FAM135A: variants seen among roughly 807,000 people sequenced by gnomAD.
FAM135A encodes family with sequence similarity 135 member A.
Under a neutral mutation model 146.8 loss-of-function variants are expected in FAM135A, and 79 were observed. That is an observed-to-expected ratio of 0.54 (90% CI 0.45 to 0.65). FAM135A has a LOEUF of 0.65. Among genes scored for constraint, FAM135A ranks in the 30% least tolerant of loss-of-function variants. The probability of loss-of-function intolerance (pLI) is 0.00; values close to 1 mark genes in which losing one functional copy is unlikely to be tolerated. For missense variants in FAM135A, 1,623 were observed against 1,758.2 expected (o/e 0.92, Z 1.38); for synonymous variants, 562 against 603.6 (o/e 0.93, Z 1.01).
At chr6:70,557,953 A>G (rs1170694052) in intron 21 of FAM135A, among the ~76,000 whole-genome samples, 1 of 152,210 alleles carries the variant, frequency 6.6e-6, no homozygotes, top group East Asian at 1.9e-4. Context: ...CTGTTCTAGC[A>G]AAGGCTAGAG....
chr6:70,524,953 C>A lies in FAM135A; in HGVS notation c.1869C>A (p.Asp623Glu). 3 of 1,606,396 alleles carry A rather than the reference C, an allele frequency of 1.9e-6. No individual in the cohort carries two copies. Among genetic ancestry groups the A allele is most frequent in the Non-Finnish European group, 1.7e-6 (2 of 1,177,258 alleles). ...CAGGTAAACTTGATATCTCCCAGGA[C>A]GATAGTGAAATTACACAAATGGAAC... Reference protein sequence around the residue: ...SISGKLDISQDDSEITQMEHN... With the variant: ...SISGKLDISQEDSEITQMEHN... Residue 623 changes from aspartate (D) to glutamate (E), a missense_variant, in exon 15 of 22, where the codon GAC becomes GAA. By Grantham distance (45) the Asp-to-Glu change is conservative. Transcript: ENST00000418814.
intron 11 of FAM135A, among the ~76,000 whole-genome samples, chr6:70,494,629 G>T (rs997626842): frequency 6.6e-6 from 1 of 151,168 alleles, no homozygotes; most frequent in Non-Finnish European, 1.5e-5. Flanking sequence ...TATTTATTTT[G>T]GTATTTATTA....
chr6:70,484,701 T>TG, intron 10 of FAM135A, among the ~76,000 whole-genome samples: 1 of 152,330 alleles, frequency 6.6e-6, no homozygotes, highest in Non-Finnish European at 1.5e-5. Flanking sequence ...CTAATGCCGC[T>TG]GCTGATCCCA....
intron 4 of FAM135A, among the ~76,000 whole-genome samples, chr6:70,430,078 T>C (rs1229974528): frequency 1.3e-5 from 2 of 152,136 alleles, no homozygotes; most frequent in Non-Finnish European, 2.9e-5. Flanking sequence ...GGCTCACGCC[T>C]GTAATCCCAG....
intron 5 of FAM135A, among the ~76,000 whole-genome samples, chr6:70,459,476 A>G (rs575077563): frequency 1.3e-5 from 2 of 152,282 alleles, no homozygotes; most frequent in Admixed American, 1.3e-4. Flanking sequence ...GACAATGAGT[A>G]TTTATAGAAC....
intron 5 of FAM135A, among the ~76,000 whole-genome samples, chr6:70,454,724 G>A (rs1777929049): frequency 6.6e-6 from 1 of 152,118 alleles, no homozygotes. Context: ...TTGTAGATGT[G>A]TAGTGTTACT....
At chr6:70,464,667 C>CTTTTT (rs533623758) in intron 5 of FAM135A, among the ~76,000 whole-genome samples, 3 of 99,380 alleles carry the variant, frequency 3.0e-5, no homozygotes, top group Non-Finnish European at 4.3e-5. Context: ...TCTTTTTTTT[C>CTTTTT]TTTTTTTTTT....
intron 5 of FAM135A, among the ~76,000 whole-genome samples, chr6:70,463,447 G>A (rs1310784973): frequency 6.6e-6 from 1 of 151,350 alleles, no homozygotes; most frequent in Non-Finnish European, 1.5e-5. Context: ...TTGTAGAGAC[G>A]GGAGTCTTAA....
intron 12 of FAM135A, among the ~76,000 whole-genome samples, chr6:70,520,733 G>A (rs1793378323): frequency 1.3e-5 from 2 of 151,952 alleles, no homozygotes; most frequent in Admixed American, 1.3e-4. Flanking sequence ...ATTTTTTTCT[G>A]TCAAACTTTT....
At chr6:70,482,436 A>T (rs1481210752) in intron 10 of FAM135A, among the ~76,000 whole-genome samples, 3 of 152,120 alleles carry the variant, frequency 2.0e-5, no homozygotes. Flanking sequence ...TAACCCAAAA[A>T]CATGTTAGAA....
intron 9 of FAM135A, 46 bp downstream of exon 9, chr6:70,481,073 A>C (rs144482546): frequency 2.0e-6 from 3 of 1,480,256 alleles, no homozygotes; most frequent in Middle Eastern, 1.8e-4. Flanking sequence ...TTTTAAAAGA[A>C]GTGTTTTTAA....
At chr6:70,485,987 A>T (rs1784548925) in intron 10 of FAM135A, among the ~76,000 whole-genome samples, 1 of 152,246 alleles carries the variant, frequency 6.6e-6, no homozygotes, top group Admixed American at 6.5e-5. Flanking sequence ...CATACATTTA[A>T]ATTAAAAAAC....
chr6:70,541,780 C>T (rs1797974392), intron 20 of FAM135A, among the ~76,000 whole-genome samples: 2 of 152,182 alleles, frequency 1.3e-5, no homozygotes. Flanking sequence ...TCAGACAGTG[C>T]ATCTGTCCCC....
chr6:70,465,113 A>G (rs1780201368), intron 5 of FAM135A, among the ~76,000 whole-genome samples: 1 of 152,090 alleles, frequency 6.6e-6, no homozygotes, highest in African/African-American at 2.4e-5. Context: ...TACCTCATAT[A>G]AGTGGAGTCA....
intron 20 of FAM135A, among the ~76,000 whole-genome samples, chr6:70,546,599 CAATT>C (rs1436956195): frequency 1.3e-5 from 2 of 152,016 alleles, no homozygotes; most frequent in African/African-American, 4.8e-5. Flanking sequence ...TTTTGTAAAA[CAATT>C]GAGAAATACT....
intron 20 of FAM135A, among the ~76,000 whole-genome samples, chr6:70,555,808 T>G (rs1163211130): frequency 2.0e-5 from 3 of 152,162 alleles, no homozygotes; most frequent in African/African-American, 7.2e-5. Flanking sequence ...TAATAGATAC[T>G]TGATTATTTC....
chr6:70,531,799 C>A (rs1272566031), intron 16 of FAM135A, among the ~76,000 whole-genome samples: 5 of 152,044 alleles, frequency 3.3e-5, no homozygotes, highest in Non-Finnish European at 7.4e-5. Context: ...CACCATTCTT[C>A]CGCTGAAGCT....
intron 12 of FAM135A, chr6:70,503,351 T>C (rs1056546266): frequency 6.6e-6 from 1 of 152,204 alleles, no homozygotes; most frequent in Non-Finnish European, 1.5e-5. Context: ...CTTTCCATCT[T>C]GTTTCCTTAT....
intron 11 of FAM135A, among the ~76,000 whole-genome samples, chr6:70,497,149 A>C (rs1562522855): frequency 6.6e-6 from 1 of 152,146 alleles, no homozygotes; most frequent in Non-Finnish European, 1.5e-5. Context: ...ATGTTTTTCC[A>C]TTTGTTTGTG....
Sources: gnomAD v4.1 joint callset for allele counts (sites outside exome capture counted in the v4.1 genomes callset) on GRCh38, gnomAD v4.1.1 for gene constraint, MANE v1.5 for transcripts, NCBI Gene and HGNC (gene_info 2026-07-23, HGNC 2026-07-21) for gene names.